SLC25A33: variants seen among roughly 807,000 people sequenced by gnomAD.
SLC25A33 encodes bone marrow stromal cell mitochondrial carrier protein.
In SLC25A33, 15 loss-of-function variants were observed where a neutral mutation model predicts 35.5. That is an observed-to-expected ratio of 0.42 (90% CI 0.28 to 0.65). The LOEUF (loss-of-function observed/expected upper bound fraction) is 0.65, where lower values mean the gene tolerates loss of function less well. Among genes scored for constraint, SLC25A33 ranks in the 30% least tolerant of loss-of-function variants. The pLI, the probability that SLC25A33 is intolerant of heterozygous loss-of-function variation, is 0.20. For missense variants in SLC25A33, 257 were observed against 398.5 expected (o/e 0.64, Z 3.02); for synonymous variants, 136 against 148.7 (o/e 0.91, Z 0.62).
intron 1 of SLC25A33, among the ~76,000 whole-genome samples, chr1:9,545,310 G>T (rs975972026): frequency 6.6e-5 from 10 of 151,748 alleles, no homozygotes; most frequent in Non-Finnish European, 2.9e-5. Flanking sequence ...CTGCCTCCCG[G>T]CTTCAAGTGA....
chr1:9,572,478 C>T (rs1304934032), intron 4 of SLC25A33, among the ~76,000 whole-genome samples: 1 of 151,814 alleles, frequency 6.6e-6, no homozygotes, highest in Non-Finnish European at 1.5e-5. Context: ...ATTAGCCAGG[C>T]GCGGTGGCGG....
intron 5 of SLC25A33, among the ~76,000 whole-genome samples, chr1:9,575,895 T>C (rs933746110): frequency 2.0e-5 from 3 of 152,206 alleles, no homozygotes; most frequent in Non-Finnish European, 4.4e-5. Context: ...AAATGTCATG[T>C]GCTTTTATTG....
At chr1:9,574,968 C>G (rs1206043425) in intron 5 of SLC25A33, among the ~76,000 whole-genome samples, 3 of 152,088 alleles carry the variant, frequency 2.0e-5, no homozygotes, top group Non-Finnish European at 4.4e-5. Flanking sequence ...AATCCCAGCA[C>G]TTTGAGAGGC....
intron 4 of SLC25A33, among the ~76,000 whole-genome samples, chr1:9,570,702 GTTTTTT>G (rs35547370): frequency 1.0e-5 from 1 of 100,064 alleles, no homozygotes; most frequent in African/African-American, 4.0e-5. Flanking sequence ...GATAGATATA[GTTTTTT>G]TTTTTTTTTT....
At chr1:9,549,344 G>C (rs924740838) in intron 1 of SLC25A33, among the ~76,000 whole-genome samples, 2 of 137,188 alleles carry the variant, frequency 1.5e-5, no homozygotes, top group Non-Finnish European at 3.2e-5. Context: ...GGGATGAACT[G>C]TTGGTGGGAT....
At position 9,556,528 on chromosome 1, in the gene SLC25A33, G is replaced by T. The variant is rs1476142184; in HGVS notation, c.236+2723G>T. On this transcript the variant is annotated intron_variant, in intron 2 of 6. Transcript: ENST00000302692. The stretch of plus-strand genomic sequence containing the variant: ...TCATCATACCAGTTCAGCATCCCCA[G>T]TCCAGAAATACAAAATGCTCCAATG... 2.0e-5 allele frequency among the ~76,000 whole-genome samples: 3 copies of T among 152,152 alleles called. No homozygotes were observed. The East Asian group carries it at 5.8e-4, about 29-fold the overall frequency.
At chr1:9,561,284 C>T (rs1007878656) in intron 2 of SLC25A33, among the ~76,000 whole-genome samples, 9 of 152,048 alleles carry the variant, frequency 5.9e-5, no homozygotes, top group South Asian at 2.1e-4. Flanking sequence ...TGAAAAGTAA[C>T]GTGTTAGTGA....
intron 1 of SLC25A33, among the ~76,000 whole-genome samples, chr1:9,552,449 C>T (rs567282938): frequency 1.3e-5 from 2 of 151,840 alleles, no homozygotes; most frequent in South Asian, 4.2e-4. Flanking sequence ...CCAGGCTGGT[C>T]TCGAACTCCT....
chr1:9,573,950 T>C (rs1053777668), intron 5 of SLC25A33, among the ~76,000 whole-genome samples: 3 of 152,134 alleles, frequency 2.0e-5, no homozygotes, highest in Non-Finnish European at 4.4e-5. Flanking sequence ...TAGAATAATG[T>C]TGTTTTTTGA....
Position 9,582,431 on chromosome 1 carries a change from T to A in SLC25A33, c.896T>A (p.Ile299Asn), listed in dbSNP as rs1289277736. ...RGLFAQLIRQ[I>N]PNTAIVLSTY... ...CTGTTTGCCCAGCTTATCCGGCAGA[T>A]CCCAAATACTGCCATTGTGTTGTCT... is the stretch of plus-strand genomic sequence containing the variant. The change falls in exon 7 of 7, where the codon ATC becomes AAC. Residue 299 changes from isoleucine (I) to asparagine (N), a missense_variant. Transcript: ENST00000302692. This position sits in a 1 kb window ranked among gnomAD's most constrained non-coding sequence, Gnocchi z 4.0. 1 of 1,613,858 alleles carries A rather than the reference T, an allele frequency of 6.2e-7. No individual in the cohort carries two copies. The highest frequency in any genetic ancestry group is 8.5e-7 in the Non-Finnish European group (1 of 1,179,876).
At chr1:9,558,000 C>T (rs573646917) in intron 2 of SLC25A33, among the ~76,000 whole-genome samples, 158 of 152,262 alleles carry the variant, frequency 1.0e-3, no homozygotes, top group South Asian at 2.5e-3. Flanking sequence ...TATACACTTA[C>T]GAAGAAAACT....
At chr1:9,570,702 G>GTTTTTTTT (rs35547370) in intron 4 of SLC25A33, among the ~76,000 whole-genome samples, 1 of 100,064 alleles carries the variant, frequency 1.0e-5, no homozygotes, top group Non-Finnish European at 1.9e-5. Context: ...GATAGATATA[G>GTTTTTTTT]TTTTTTTTTT....
intron 3 of SLC25A33, 144 bp downstream of exon 3, chr1:9,567,505 T>C (rs146265200): frequency 0.015 from 9,464 of 650,558 alleles, 102 homozygotes; most frequent in Non-Finnish European, 0.018. Flanking sequence ...CAAATAGTCA[T>C]TGAGAATGCT....
chr1:9,549,076 A>G (rs1358915776), intron 1 of SLC25A33, among the ~76,000 whole-genome samples: 1 of 152,184 alleles, frequency 6.6e-6, no homozygotes, highest in African/African-American at 2.4e-5. Context: ...CTGCGGCCAG[A>G]TGCCTCCTAC....
intron 1 of SLC25A33, among the ~76,000 whole-genome samples, chr1:9,547,359 CAGG>C (rs1461692126): frequency 7.9e-5 from 12 of 151,772 alleles, no homozygotes; most frequent in Admixed American, 7.9e-4. Flanking sequence ...GAGGCTGAGG[CAGG>C]AGAATTGCTT....
intron 5 of SLC25A33, among the ~76,000 whole-genome samples, chr1:9,574,246 A>G (rs139919097): frequency 4.3e-4 from 65 of 150,342 alleles, no homozygotes; most frequent in Middle Eastern, 3.4e-3. Flanking sequence ...GGTGCATGCC[A>G]CCACACCCAG....
chr1:9,584,116 C>T lies in SLC25A33; in HGVS notation c.*1615C>T, dbSNP rs1214552912. ...CCCTAGTCTTCCATTAGCTCTTTCA[C>T]TGGAATTTGAGTATATTGTACATGA... On this transcript the variant is annotated 3_prime_UTR_variant, in exon 7 of 7. Transcript: ENST00000302692. 1 of 152,116 alleles carries T rather than the reference C, an allele frequency of 6.6e-6. No homozygotes were observed. Among genetic ancestry groups the T allele is most frequent in the African/African-American group, 2.4e-5 (1 of 41,404 alleles). 9.4% of individuals were successfully genotyped at this position (152,116 alleles called of 1,614,324 possible). A position where few individuals can be genotyped will look rare whatever the true frequency, so the allele number is the denominator to read the frequency against.
Position 9,582,546 on chromosome 1 carries a change from T to C in SLC25A33, c.*45T>C, listed in dbSNP as rs761607777. The C allele has an allele frequency of 1.3e-6, 2 of 1,538,928 alleles. No individual in the cohort carries two copies. The highest frequency in any genetic ancestry group is 1.8e-6 in the Non-Finnish European group (2 of 1,137,888). ...CTAGAAGAATAAAACTGAAAAACTCTAGAGAATTTTTTTTCCCCATTGATG... is the reference window on the plus strand; with the variant it reads ...CTAGAAGAATAAAACTGAAAAACTCCAGAGAATTTTTTTTCCCCATTGATG... On this transcript the variant is annotated 3_prime_UTR_variant, in exon 7 of 7. Transcript: ENST00000302692. The surrounding 1 kb of genome is among the most constrained non-coding windows in gnomAD (Gnocchi z 4.0).
intron 1 of SLC25A33, among the ~76,000 whole-genome samples, chr1:9,548,427 C>T (rs986735490): frequency 2.0e-5 from 3 of 151,964 alleles, no homozygotes; most frequent in Admixed American, 1.3e-4. Flanking sequence ...ACTAAAAATA[C>T]AAAAATTATC....
Sources: gnomAD v4.1 joint callset for allele counts (sites outside exome capture counted in the v4.1 genomes callset) on GRCh38, gnomAD v4.1.1 for gene constraint, Gnocchi (gnomAD v3.1) non-coding constraint, MANE v1.5 for transcripts, NCBI Gene and HGNC (gene_info 2026-07-23, HGNC 2026-07-21) for gene names.